Variants in GOLIM4 observed in about 807,000 individuals in gnomAD.
GOLIM4 encodes 130 kDa golgi-localized phosphoprotein.
GOLIM4 carries 71 observed loss-of-function variants against 107.4 expected under a neutral mutation model. The observed-to-expected ratio is 0.66, with a 90% CI of 0.55 to 0.81. The LOEUF is 0.81. GOLIM4 is among the 30% of genes least tolerant of loss of function. The pLI is 0.00. For synonymous variants in GOLIM4, 327 were observed against 294.8 expected, an observed-to-expected ratio of 1.11 and a Z score of -1.12; for missense variants, 830 against 826.1, an observed-to-expected ratio of 1.00 and a Z score of -0.06.
chr3:168,081,107 T>C (rs973739104), intron 1 of GOLIM4, among the ~76,000 whole-genome samples: 2 of 152,154 alleles, frequency 1.3e-5, no homozygotes, highest in Non-Finnish European at 2.9e-5. Context: ...GATGAAGTCC[T>C]ACTTACACCC....
intron 9 of GOLIM4, among the ~76,000 whole-genome samples, chr3:168,031,424 T>C (rs1718332563): frequency 1.3e-5 from 2 of 152,238 alleles, no homozygotes. Flanking sequence ...TTATACATTA[T>C]ATGAATGTTT....
chr3:168,080,896 T>C (rs1313077089), intron 1 of GOLIM4, among the ~76,000 whole-genome samples: 3 of 152,222 alleles, frequency 2.0e-5, no homozygotes, highest in Non-Finnish European at 4.4e-5. Context: ...CAACCTGGGC[T>C]CTAAGAACTT....
At position 168,095,355 on chromosome 3, in the gene GOLIM4, G is replaced by C; in HGVS notation, c.-70C>G. ...CCCCTTGGTCCGAGCGAGCGTCTCA[G>C]CAGCGGCCGCCGCAGTAGGTGGCCA... On this transcript the variant is annotated 5_prime_UTR_variant, in exon 1 of 16. Transcript: ENST00000470487. The C allele has an allele frequency of 7.3e-7, 1 of 1,376,116 alleles. No homozygotes were observed. Among genetic ancestry groups the C allele is most frequent in the Non-Finnish European group, 1.0e-6 (1 of 994,880 alleles). The allele number at this position is 1,376,116 out of a possible 1,614,324, so 85.2% of individuals were successfully genotyped here. A position where few individuals can be genotyped will look rare whatever the true frequency, so the allele number is the denominator to read the frequency against.
At chr3:168,069,410 A>G (rs538193689) in intron 1 of GOLIM4, among the ~76,000 whole-genome samples, 1 of 152,244 alleles carries the variant, frequency 6.6e-6, no homozygotes, top group Non-Finnish European at 1.5e-5. Flanking sequence ...ATTTTTACCA[A>G]TGAAGTCAAG....
rs1716922340 is a variant in GOLIM4, at chr3:168,010,327, T to C, written c.2033A>G (p.Glu678Gly). Residue 678 changes from glutamate to glycine, a missense_variant, in exon 16 of 16, where the codon GAG (glutamate) becomes GGG (glycine). Transcript: ENST00000470487. ...AACTGCAGCCCCGTCTTCTTCCTCCTCTTCTTCCTCCTCGTAGTGTTCCTC... is the reference window on the plus strand; with the variant it reads ...AACTGCAGCCCCGTCTTCTTCCTCCCCTTCTTCCTCCTCGTAGTGTTCCTC... Reference protein sequence around the residue: ...GREEHYEEEEEEEEDGAAVAE... With the variant: ...GREEHYEEEEGEEEDGAAVAE... 6.2e-7 allele frequency: 1 copy of C among 1,613,976 alleles called. No homozygotes were observed. Among genetic ancestry groups the C allele is most frequent in the African/African-American group, 1.3e-5 (1 of 75,036 alleles).
chr3:168,051,241 T>C (rs188589934), intron 1 of GOLIM4, among the ~76,000 whole-genome samples: 2 of 151,998 alleles, frequency 1.3e-5, no homozygotes, highest in Non-Finnish European at 1.5e-5. Flanking sequence ...GGGTGCAGGA[T>C]GGTATTCCAT....
chr3:168,037,095 A>C, intron 7 of GOLIM4, 101 bp from the exon 8 acceptor site: 1 of 510,820 alleles, frequency 2.0e-6, no homozygotes, highest in Non-Finnish European at 3.5e-6. Context: ...ATTGTACCTA[A>C]ATACAAGTTA....
intron 1 of GOLIM4, among the ~76,000 whole-genome samples, chr3:168,077,267 G>C (rs145802978): frequency 6.6e-6 from 1 of 152,202 alleles, no homozygotes; most frequent in East Asian, 1.9e-4. Context: ...CACTCGGAGG[G>C]GCAGAGCATT....
chr3:168,026,606 C>A (rs1718008076), intron 12 of GOLIM4, among the ~76,000 whole-genome samples: 1 of 152,184 alleles, frequency 6.6e-6, no homozygotes, highest in Non-Finnish European at 1.5e-5. Flanking sequence ...AAACAAGTGA[C>A]TGAAATGCCC....
intron 1 of GOLIM4, among the ~76,000 whole-genome samples, chr3:168,068,346 C>T (rs1157786925): frequency 6.6e-6 from 1 of 151,980 alleles, no homozygotes; most frequent in African/African-American, 2.4e-5. Context: ...AAATACTGCT[C>T]ATTCAACACT....
At chr3:168,086,268 T>C (rs1253591228) in intron 1 of GOLIM4, among the ~76,000 whole-genome samples, 1 of 152,128 alleles carries the variant, frequency 6.6e-6, no homozygotes, top group African/African-American at 2.4e-5. Context: ...TAAAACTTGA[T>C]AAACTTCTCT....
chr3:168,028,435 C>A (rs1446687114), intron 11 of GOLIM4, among the ~76,000 whole-genome samples: 3 of 152,086 alleles, frequency 2.0e-5, no homozygotes, highest in African/African-American at 7.2e-5. Flanking sequence ...AAGAGAAGAA[C>A]AAATCACTTT....
At chr3:168,010,926 T>C (rs1213252655) in intron 14 of GOLIM4, 103 bp from the exon 15 acceptor site, 2 of 841,164 alleles carry the variant, frequency 2.4e-6, no homozygotes, top group Admixed American at 2.1e-5. Flanking sequence ...ATAATATATT[T>C]TGATTTCCAA....
Position 168,025,088 on chromosome 3 carries a change from G to T in GOLIM4, c.1631C>A (p.Ala544Asp). The change falls in exon 13 of 16, where the codon GCT becomes GAT. Residue 544 changes from alanine (A) to aspartate (D), a missense_variant. Coordinates refer to ENST00000470487, the MANE Select transcript of GOLIM4 (RefSeq NM_014498.5). The part of the protein sequence containing the change: ...ADPESEADRA[A>D]VEDINPADDP... ...ATCTGCTGGGTTTATATCTTCTACA[G>T]CTGCCCTCTGTAAAATTTTAATAAA... The T allele has an allele frequency of 6.2e-7, 1 of 1,604,504 alleles. No homozygotes were observed. The highest frequency in any genetic ancestry group is 8.5e-7 in the Non-Finnish European group (1 of 1,176,566).
chr3:168,073,846 T>A (rs1397248351), intron 1 of GOLIM4, among the ~76,000 whole-genome samples: 1 of 152,204 alleles, frequency 6.6e-6, no homozygotes. Flanking sequence ...GCAGGGCTAC[T>A]GTAGGAGCTA....
chr3:168,033,851 C>T lies in GOLIM4; in HGVS notation c.844-999G>A, dbSNP rs139952259. On this transcript the variant is annotated intron_variant, in intron 8 of 15. Transcript: ENST00000470487. Reference sequence around the variant, plus strand: ...ATAACCCTCCTCTAAAATTAGTTGACTCAAATCAGTTCTCCCTATAAGTTT... The same window carrying T: ...ATAACCCTCCTCTAAAATTAGTTGATTCAAATCAGTTCTCCCTATAAGTTT... Among the ~76,000 whole-genome samples, 198 of 152,118 alleles carry T rather than the reference C, an allele frequency of 1.3e-3. 1 individual carries two copies. In the East Asian group the frequency reaches 0.014, roughly 11 times the overall value.
At chr3:168,050,959 G>A (rs1317148922) in intron 1 of GOLIM4, among the ~76,000 whole-genome samples, 1 of 151,822 alleles carries the variant, frequency 6.6e-6, no homozygotes, top group Non-Finnish European at 1.5e-5. Context: ...AAACATTATT[G>A]TAGAAGGTCA....
Position 168,025,109 on chromosome 3 carries a change from A to G in GOLIM4, c.1624-14T>C, listed in dbSNP as rs201586570. On this transcript the variant is annotated splice_polypyrimidine_tract_variant and intron_variant, in intron 12 of 15. Transcript: ENST00000470487. ...TACAGCTGCCCTCTGTAAAATTTTA[A>G]TAAAAAGCAACTATCACTTCAAAAC... is the stretch of plus-strand genomic sequence containing the variant. 1 of 1,593,666 alleles carries G rather than the reference A, an allele frequency of 6.3e-7. No homozygotes were observed. Among genetic ancestry groups the G allele is most frequent in the African/African-American group, 1.4e-5 (1 of 73,704 alleles).
intron 1 of GOLIM4, among the ~76,000 whole-genome samples, chr3:168,069,407 C>A (rs1239324458): frequency 6.6e-6 from 1 of 152,096 alleles, no homozygotes; most frequent in Non-Finnish European, 1.5e-5. Context: ...AACATTTTTA[C>A]CAATGAAGTC....
Sources: allele counts gnomAD v4.1 joint callset (sites outside exome capture counted in the v4.1 genomes callset), GRCh38; gene constraint gnomAD v4.1.1; transcripts MANE v1.5; gene names NCBI Gene and HGNC (gene_info 2026-07-23, HGNC 2026-07-21).